The following STXBP6 variants were observed in gnomAD, a reference collection of about 807,000 sequenced individuals.
STXBP6 encodes the protein syntaxin-binding protein 6.
STXBP6 carries 21 observed loss-of-function variants against 26.9 expected under a neutral mutation model. That is an observed-to-expected ratio of 0.78 (90% CI 0.55 to 1.12). The LOEUF is 1.12. Among genes scored for constraint, STXBP6 ranks in the 50% most tolerant of loss-of-function variants. The pLI is 0.00. For missense variants in STXBP6, 232 were observed against 257.9 expected (o/e 0.90, Z 0.69); for synonymous variants, 97 against 92.6 (o/e 1.05, Z -0.27).
At chr14:25,030,686 C>A (rs1213949057) in intron 1 of STXBP6, among the ~76,000 whole-genome samples, 1 of 152,164 alleles carries the variant, frequency 6.6e-6, no homozygotes, top group African/African-American at 2.4e-5. Context: ...ACAATAAAGG[C>A]TGACAGCATT....
intron 4 of STXBP6, among the ~76,000 whole-genome samples, chr14:24,853,025 AATTAG>A (rs2069207695): frequency 6.6e-6 from 1 of 152,150 alleles, no homozygotes; most frequent in African/African-American, 2.4e-5. Flanking sequence ...ATAAAAATTA[AATTAG>A]ATAACATATG....
Position 24,969,614 on chromosome 14 carries a change from C to T in STXBP6, c.154+5051G>A, listed in dbSNP as rs957211884. Among the ~76,000 whole-genome samples the T allele has an allele frequency of 3.3e-5, 5 of 152,304 alleles. No homozygotes were observed. The East Asian group carries it at 5.8e-4, about 18-fold the overall frequency. On this transcript the variant is annotated intron_variant, in intron 2 of 5. Coordinates refer to ENST00000323944, the MANE Select transcript of STXBP6 (RefSeq NM_001394410.1). Reference sequence around the variant, plus strand: ...ATGTAGTAAACAAAAAACTCAAATACATTTTCCATTAAGCATCTATTGTCC... The same window carrying T: ...ATGTAGTAAACAAAAAACTCAAATATATTTTCCATTAAGCATCTATTGTCC...
intron 2 of STXBP6, among the ~76,000 whole-genome samples, chr14:24,915,871 A>G (rs959282565): frequency 2.0e-5 from 3 of 152,180 alleles, no homozygotes; most frequent in Admixed American, 1.3e-4. Context: ...TGATTATTTA[A>G]AAAACAAGAC....
intron 1 of STXBP6, among the ~76,000 whole-genome samples, chr14:25,033,361 A>T (rs1279206274): frequency 6.6e-6 from 1 of 152,046 alleles, no homozygotes; most frequent in Non-Finnish European, 1.5e-5. Flanking sequence ...TACTGCAAAA[A>T]CTTCTAAACT....
chr14:25,013,353 A>G (rs991780926), intron 1 of STXBP6, among the ~76,000 whole-genome samples: 2 of 152,138 alleles, frequency 1.3e-5, no homozygotes, highest in African/African-American at 2.4e-5. Context: ...TCTTCATAGA[A>G]GTAGTCTAGC....
At chr14:24,894,869 T>G (rs2070928507) in intron 2 of STXBP6, among the ~76,000 whole-genome samples, 1 of 123,764 alleles carries the variant, frequency 8.1e-6, no homozygotes, top group Non-Finnish European at 1.7e-5. Flanking sequence ...CCATTCTAAC[T>G]CTTCTCCTTA....
intron 2 of STXBP6, among the ~76,000 whole-genome samples, chr14:24,971,562 A>G (rs2073907108): frequency 7.0e-6 from 1 of 142,716 alleles, no homozygotes; most frequent in Non-Finnish European, 1.5e-5. Context: ...ACAGACTCCT[A>G]TGAGAGCTGA....
At chr14:24,815,584 T>C (rs1307629240) in intron 5 of STXBP6, 1 of 151,902 alleles carries the variant, frequency 6.6e-6, no homozygotes, top group Non-Finnish European at 1.5e-5. Flanking sequence ...TCCCTCGCAG[T>C]GAGAGAAAGG....
chr14:24,922,411 C>T (rs149261916), intron 2 of STXBP6, among the ~76,000 whole-genome samples: 38 of 152,250 alleles, frequency 2.5e-4, no homozygotes, highest in Non-Finnish European at 4.0e-4. Context: ...TCTCACCTAG[C>T]GGAATTATCA....
chr14:25,038,446 C>G (rs1482472396), intron 1 of STXBP6, among the ~76,000 whole-genome samples: 1 of 152,202 alleles, frequency 6.6e-6, no homozygotes, highest in East Asian at 1.9e-4. Flanking sequence ...TCATAATACT[C>G]AAAAACTGGA....
chr14:24,821,827 G>A (rs1180104833), intron 4 of STXBP6, among the ~76,000 whole-genome samples: 1 of 152,154 alleles, frequency 6.6e-6, no homozygotes, highest in Non-Finnish European at 1.5e-5. Flanking sequence ...AATTCTCAGA[G>A]TGCATCATTT....
At chr14:24,826,858 A>G (rs2068300537) in intron 4 of STXBP6, among the ~76,000 whole-genome samples, 1 of 152,176 alleles carries the variant, frequency 6.6e-6, no homozygotes, top group Non-Finnish European at 1.5e-5. Context: ...AAGTTACTTA[A>G]TCTCTATGAG....
intron 4 of STXBP6, among the ~76,000 whole-genome samples, chr14:24,843,886 T>C (rs148859918): frequency 1.3e-5 from 2 of 152,238 alleles, no homozygotes; most frequent in East Asian, 3.9e-4. Context: ...GAGAGTAGTA[T>C]CTTTTGTTAT....
intron 2 of STXBP6, among the ~76,000 whole-genome samples, chr14:24,923,285 A>C (rs1299928230): frequency 6.6e-6 from 1 of 152,190 alleles, no homozygotes; most frequent in Non-Finnish European, 1.5e-5. Flanking sequence ...TTGTTCATTA[A>C]GTTTGTGGGG....
intron 2 of STXBP6, among the ~76,000 whole-genome samples, chr14:24,973,010 G>A (rs58764839): frequency 0.057 from 8,626 of 152,182 alleles, 296 homozygotes; most frequent in East Asian, 0.17. Context: ...CCCAGCTCTT[G>A]GGAGGCTGAG....
intron 2 of STXBP6, among the ~76,000 whole-genome samples, chr14:24,931,999 T>C (rs1382093144): frequency 1.3e-5 from 2 of 151,988 alleles, no homozygotes; most frequent in South Asian, 2.1e-4. Flanking sequence ...CATAAGGCGA[T>C]AAAGGGTAAG....
At chr14:24,861,991 G>A (rs559672376) in intron 2 of STXBP6, among the ~76,000 whole-genome samples, 60 of 152,158 alleles carry the variant, frequency 3.9e-4, no homozygotes, top group Admixed American at 1.2e-3. Context: ...TTAAATCTGC[G>A]CGTTTTTTGT....
At chr14:24,948,050 G>C (rs990168884) in intron 2 of STXBP6, among the ~76,000 whole-genome samples, 4 of 152,128 alleles carry the variant, frequency 2.6e-5, no homozygotes, top group Non-Finnish European at 5.9e-5. Flanking sequence ...AGTATCCTTT[G>C]CCTTAGTATT....
intron 2 of STXBP6, among the ~76,000 whole-genome samples, chr14:24,967,504 T>A (rs1834116459): frequency 6.6e-6 from 1 of 152,246 alleles, no homozygotes; most frequent in South Asian, 2.1e-4. Flanking sequence ...ATCAAATGTG[T>A]CTGTGCACAT....
Sources: gnomAD v4.1 joint callset for allele counts (sites outside exome capture counted in the v4.1 genomes callset) on GRCh38, gnomAD v4.1.1 for gene constraint, MANE v1.5 for transcripts, NCBI Gene and HGNC (gene_info 2026-07-23, HGNC 2026-07-21) for gene names.